Variants in ZBTB41 observed in about 807,000 individuals in gnomAD.
The protein encoded by ZBTB41 is zinc finger and BTB domain-containing protein 41.
ZBTB41 carries 42 observed loss-of-function variants against 87.6 expected under a neutral mutation model. The ratio of observed to expected loss-of-function variants is 0.48; its 90% CI spans 0.37 to 0.62. The LOEUF (loss-of-function observed/expected upper bound fraction) is 0.62, where lower values mean the gene tolerates loss of function less well. Among genes scored for constraint, ZBTB41 ranks in the 20% least tolerant of loss-of-function variants. The pLI is 0.00. For synonymous variants in ZBTB41, 364 were observed against 364.0 expected, an observed-to-expected ratio of 1.00 and a Z score of 0.00; for missense variants, 799 against 1,078.9, an observed-to-expected ratio of 0.74 and a Z score of 3.63.
chr1:197,164,867 AATATATTAT>A (rs1392977031), intron 10 of ZBTB41, among the ~76,000 whole-genome samples: 24 of 113,094 alleles, frequency 2.1e-4, no homozygotes, highest in African/African-American at 8.6e-4. Context: ...ATACATATCT[AATATATTAT>A]ATATATTATA....
intron 4 of ZBTB41, among the ~76,000 whole-genome samples, chr1:197,188,993 T>C (rs1037814870): frequency 2.0e-5 from 3 of 152,244 alleles, no homozygotes; most frequent in Non-Finnish European, 2.9e-5. Context: ...TTTTTCTTGA[T>C]TCTCACAATA....
In ZBTB41 at chr1:197,180,981, T is replaced by C. The variant is rs776157202; in HGVS notation, c.1676+7A>G. The C allele has an allele frequency of 6.3e-7, 1 of 1,586,342 alleles. No homozygotes were observed. Among genetic ancestry groups the C allele is most frequent in the South Asian group, 1.2e-5 (1 of 85,474 alleles). On this transcript the variant is annotated splice_region_variant and intron_variant, in intron 6 of 10. Coordinates refer to ENST00000367405, the MANE Select transcript of ZBTB41 (RefSeq NM_194314.3). ...GGATTTTTGTGGGTGTGCAGATAATTCTTCACCTTTCTCGTACTGATTTTC... is the reference window on the plus strand; with the variant it reads ...GGATTTTTGTGGGTGTGCAGATAATCCTTCACCTTTCTCGTACTGATTTTC...
chr1:197,194,310 G>A lies in ZBTB41; in HGVS notation c.1121-2411C>T, dbSNP rs137903407. Reference sequence around the variant, plus strand: ...TGGGATTACAGGCAGGAGCCACTGCGCCTGGACCTCATTTTTATTTCTAAC... The same window carrying A: ...TGGGATTACAGGCAGGAGCCACTGCACCTGGACCTCATTTTTATTTCTAAC... On this transcript the variant is annotated intron_variant, in intron 2 of 10. Coordinates refer to ENST00000367405, the MANE Select transcript of ZBTB41 (RefSeq NM_194314.3). Among the ~76,000 whole-genome samples, 1,116 of 152,152 alleles carry A rather than the reference G, an allele frequency of 7.3e-3. 9 individuals are homozygous for A. The highest frequency in any genetic ancestry group is 0.024 in the African/African-American group (1,012 of 41,494).
At chr1:197,179,166 A>T (rs184255256) in intron 6 of ZBTB41, among the ~76,000 whole-genome samples, 8 of 152,258 alleles carry the variant, frequency 5.3e-5, no homozygotes, top group African/African-American at 1.7e-4. Flanking sequence ...TTTAAGGGGA[A>T]ATAAAGTGAA....
intron 10 of ZBTB41, among the ~76,000 whole-genome samples, chr1:197,164,805 TTA>T (rs1471697282): frequency 4.2e-4 from 27 of 63,724 alleles, no homozygotes; most frequent in Non-Finnish European, 8.4e-4. Flanking sequence ...ATATAATATA[TTA>T]TATATATTAT....
At position 197,199,799 on chromosome 1, in the gene ZBTB41, A is replaced by G. The variant is rs1431866662; in HGVS notation, c.675T>C (p.His225=). The change falls in exon 2 of 11, where the codon CAT becomes CAC. Residue 225 remains histidine, a synonymous_variant. Transcript: ENST00000367405. ...HFCYKKSLEN[H]LAKTHRSLLL... is the part of the protein sequence containing the mutation. The stretch of plus-strand genomic sequence containing the variant: ...AAAGGGACCTATGGGTTTTAGCCAA[A>G]TGATTCTCTAAAGACTTTTTATAAC... The G allele has an allele frequency of 2.5e-6, 4 of 1,612,314 alleles. No individual in the cohort carries two copies. In the South Asian group the frequency reaches 4.4e-5, roughly 18 times the overall value.
intron 5 of ZBTB41, among the ~76,000 whole-genome samples, chr1:197,187,150 T>G (rs1659905650): frequency 6.6e-6 from 1 of 152,206 alleles, no homozygotes; most frequent in Non-Finnish European, 1.5e-5. Flanking sequence ...GACAGTTTCT[T>G]ACAAACTAAT....
intron 6 of ZBTB41, among the ~76,000 whole-genome samples, chr1:197,179,147 C>T (rs1445197238): frequency 6.6e-6 from 1 of 152,010 alleles, no homozygotes; most frequent in African/African-American, 2.4e-5. Context: ...TAATAATGAA[C>T]AAAGTTATTT....
chr1:197,178,791 T>C (rs958045715), intron 6 of ZBTB41, among the ~76,000 whole-genome samples: 1 of 152,158 alleles, frequency 6.6e-6, no homozygotes, highest in African/African-American at 2.4e-5. Context: ...AAGTATAATT[T>C]TAAAATGCTC....
At position 197,156,709 on chromosome 1, in the gene ZBTB41, T is replaced by C. The variant is rs1659076322; in HGVS notation, c.*2650A>G. The C allele has an allele frequency of 6.6e-6, 1 of 152,252 alleles. No individual in the cohort carries two copies. Among genetic ancestry groups the C allele is most frequent in the Non-Finnish European group, 1.5e-5 (1 of 67,758 alleles). 9.4% of individuals were successfully genotyped at this position (152,252 alleles called of 1,614,324 possible). A position where few individuals can be genotyped will look rare whatever the true frequency, so the allele number is the denominator to read the frequency against. ...TAAAATTTCTTACATTTTTGGAAAT[T>C]AGAGGCAGCAGATTAGTTTCATTTT... is the stretch of plus-strand genomic sequence containing the variant. On this transcript the variant is annotated 3_prime_UTR_variant, in exon 11 of 11. Transcript: ENST00000367405.
chr1:197,191,456 C>CAAAAAAAAAAAAAAAAAAA (rs537220441), intron 3 of ZBTB41, among the ~76,000 whole-genome samples: 1 of 85,332 alleles, frequency 1.2e-5, no homozygotes, highest in African/African-American at 4.3e-5. Flanking sequence ...AGCCCTACTT[C>CAAAAAAAAAAAAAAAAAAA]AAAAAAAAAA....
rs1571654156 is a variant in ZBTB41, at chr1:197,175,185, T to C, written c.1880-70A>G. ...GGTTTTTATCCCCAGAAACAAACTA[T>C]CAAACAGTAAGATCACATGATGTCA... On this transcript the variant is annotated intron_variant, in intron 8 of 10. Coordinates refer to ENST00000367405, the MANE Select transcript of ZBTB41 (RefSeq NM_194314.3). 2.3e-6 allele frequency: 3 copies of C among 1,303,080 alleles called. No individual in the cohort carries two copies. The East Asian group carries it at 7.2e-5, about 31-fold the overall frequency. The allele number at this position is 1,303,080 out of a possible 1,614,324, so 80.7% of individuals were successfully genotyped here.
At chr1:197,178,575 G>A in intron 6 of ZBTB41, 63 bp from the exon 7 acceptor site, 2 of 1,182,808 alleles carry the variant, frequency 1.7e-6, no homozygotes, top group African/African-American at 3.2e-5. Flanking sequence ...TAGATTTCTG[G>A]AAAACTTACT....
At chr1:197,174,559 T>C (rs1233872137) in intron 9 of ZBTB41, among the ~76,000 whole-genome samples, 1 of 152,100 alleles carries the variant, frequency 6.6e-6, no homozygotes. Flanking sequence ...GCAACTAACC[T>C]CAGTTAAACT....
chr1:197,194,349 T>A (rs1183919642), intron 2 of ZBTB41, among the ~76,000 whole-genome samples: 1 of 152,084 alleles, frequency 6.6e-6, no homozygotes, highest in Admixed American at 6.6e-5. Flanking sequence ...AGTAGCAGCA[T>A]AATAAAAATC....
chr1:197,174,437 A>C (rs761196975), intron 9 of ZBTB41, among the ~76,000 whole-genome samples: 2 of 152,128 alleles, frequency 1.3e-5, no homozygotes, highest in Non-Finnish European at 2.9e-5. Flanking sequence ...TTTGCTAATT[A>C]TGCTCAGGAC....
At chr1:197,177,354 C>T (rs963097081) in intron 7 of ZBTB41, among the ~76,000 whole-genome samples, 2 of 152,072 alleles carry the variant, frequency 1.3e-5, no homozygotes, top group Admixed American at 6.6e-5. Context: ...CTTCACATAC[C>T]GCCATGATTC....
At chr1:197,193,740 A>G (rs1660090214) in intron 2 of ZBTB41, among the ~76,000 whole-genome samples, 1 of 152,212 alleles carries the variant, frequency 6.6e-6, no homozygotes, top group Non-Finnish European at 1.5e-5. Flanking sequence ...CAGACCAAAT[A>G]CTGGGAAAAG....
Position 197,159,714 on chromosome 1 carries a change from T to C in ZBTB41, c.2375A>G (p.Gln792Arg). The change falls in exon 11 of 11, where the codon CAG becomes CGG. Residue 792 changes from glutamine (Q) to arginine (R), a missense_variant. By Grantham distance (43) the Gln-to-Arg change is conservative. Coordinates refer to ENST00000367405, the MANE Select transcript of ZBTB41 (RefSeq NM_194314.3). ...KQYMDQPKVYQSEAKTMLQNV... is the reference protein window; with the variant it reads ...KQYMDQPKVYRSEAKTMLQNV... ...CTGTAACATCGTCTTGGCTTCCGACTGATAAACTTTGGGCTGGTCCATATA... is the reference window on the plus strand; with the variant it reads ...CTGTAACATCGTCTTGGCTTCCGACCGATAAACTTTGGGCTGGTCCATATA... The C allele has an allele frequency of 6.2e-7, 1 of 1,614,054 alleles. No homozygotes were observed. Among genetic ancestry groups the C allele is most frequent in the South Asian group, 1.1e-5 (1 of 91,082 alleles).
Sources: gnomAD v4.1 joint callset for allele counts (sites outside exome capture counted in the v4.1 genomes callset) on GRCh38, gnomAD v4.1.1 for gene constraint, MANE v1.5 for transcripts, NCBI Gene and HGNC (gene_info 2026-07-23, HGNC 2026-07-21) for gene names.